The following PRPF31 variants were observed in gnomAD, a reference collection of about 807,000 sequenced individuals.
The protein encoded by PRPF31 is U4/U6 small nuclear ribonucleoprotein Prp31.
In PRPF31, 12 loss-of-function variants were observed where a neutral mutation model predicts 60.4. The observed-to-expected ratio is 0.20, with a 90% CI of 0.13 to 0.32. PRPF31 has a LOEUF of 0.32. PRPF31 is among the 10% of genes least tolerant of loss of function. PRPF31 has a pLI of 1.00. For synonymous variants in PRPF31, 287 were observed against 287.9 expected (o/e 1.00, Z 0.03); for missense variants, 431 against 687.1 (o/e 0.63, Z 4.17).
intron 13 of PRPF31, 146 bp from the exon 14 acceptor site, chr19:54,131,161 A>C (rs1388012145): frequency 8.4e-7 from 1 of 1,185,660 alleles, no homozygotes; most frequent in Admixed American, 1.8e-5. Flanking sequence ...GAATCTCCCA[A>C]GACAGGGCAA....
Position 54,124,052 on chromosome 19 carries a change from G to C in PRPF31, c.697+134G>C, listed in dbSNP as rs139696838. ...ACCCCGTCTCCCTGGACATCACAGAGGTCAGCCAGCCTGGCACACAGCAAA... is the reference window on the plus strand; with the variant it reads ...ACCCCGTCTCCCTGGACATCACAGACGTCAGCCAGCCTGGCACACAGCAAA... On this transcript the variant is annotated intron_variant, in intron 7 of 13. Transcript: ENST00000321030. The C allele has an allele frequency of 9.7e-5, 145 of 1,497,222 alleles. No individual in the cohort carries two copies. The African/African-American group carries it at 1.9e-3, about 19-fold the overall frequency. 92.7% of individuals were successfully genotyped at this position (1,497,222 alleles called of 1,614,324 possible).
intron 4 of PRPF31, 44 bp downstream of exon 4, chr19:54,121,987 C>T (rs1470273299): frequency 6.4e-7 from 1 of 1,550,586 alleles, no homozygotes; most frequent in Non-Finnish European, 8.8e-7. Context: ...TGTGACGTCC[C>T]TCACGCCCCC....
intron 4 of PRPF31, chr19:54,122,185 TGGTC>T: frequency 1.6e-6 from 1 of 631,628 alleles, no homozygotes; most frequent in African/African-American, 1.8e-5. Flanking sequence ...TCCATCCTGT[TGGTC>T]GGCCACCTGC....
At position 54,122,566 on chromosome 19, in the gene PRPF31, A is replaced by G. The variant is rs770719374; in HGVS notation, c.392A>G (p.Asn131Ser). 100 of 1,614,024 alleles carry G rather than the reference A, an allele frequency of 6.2e-5. No individual in the cohort carries two copies. Among genetic ancestry groups the G allele is most frequent in the South Asian group, 1.6e-4 (15 of 91,092 alleles). The change falls in exon 5 of 14, where the codon AAT becomes AGT. Residue 131 changes from asparagine to serine, a missense_variant. Asn to Ser is a conservative substitution (Grantham distance 46). Coordinates refer to ENST00000321030, the MANE Select transcript of PRPF31 (RefSeq NM_015629.4). ...RFPELESLVP[N>S]ALDYIRTVKE... ...CCTGAACTGGAGTCCTTGGTCCCCA[A>G]TGCACTGGATTACATCCGCACGGTC...
intron 13 of PRPF31, among the ~76,000 whole-genome samples, chr19:54,130,452 C>T (rs587622982): frequency 2.6e-4 from 39 of 152,206 alleles, no homozygotes; most frequent in African/African-American, 8.9e-4. Flanking sequence ...GGTGAAACCC[C>T]GTCTCTACTA....
At chr19:54,116,177 A>G (rs980977052) in intron 1 of PRPF31, among the ~76,000 whole-genome samples, 3 of 149,180 alleles carry the variant, frequency 2.0e-5, no homozygotes, top group Non-Finnish European at 4.4e-5. Flanking sequence ...CTGTGATTAC[A>G]GGCATGATCC....
chr19:54,129,112 A>T lies in PRPF31; in HGVS notation c.1202A>T (p.Lys401Met). The change falls in exon 12 of 14, where the codon AAG becomes ATG. Residue 401 changes from lysine to methionine, a missense_variant. This residue lies in a region of PRPF31 where 314 missense variants were observed against 475.3 expected (regional missense o/e 0.66). Transcript: ENST00000321030. ...GGATTCAGCCTGGGCCACCTGGGCAAGTCGGGCAGTGGGCGTGTGCGGCAG... is the reference window on the plus strand; with the variant it reads ...GGATTCAGCCTGGGCCACCTGGGCATGTCGGGCAGTGGGCGTGTGCGGCAG... Reference protein sequence around the residue: ...DLGFSLGHLGKSGSGRVRQTQ... With the variant: ...DLGFSLGHLGMSGSGRVRQTQ... 6.3e-7 allele frequency: 1 copy of T among 1,582,520 alleles called. No individual in the cohort carries two copies. The highest frequency in any genetic ancestry group is 8.6e-7 in the Non-Finnish European group (1 of 1,165,276).
chr19:54,117,840 A>G (rs1311334919), intron 1 of PRPF31, among the ~76,000 whole-genome samples: 2 of 152,148 alleles, frequency 1.3e-5, no homozygotes, highest in African/African-American at 4.8e-5. Context: ...TGTCAGAGCC[A>G]GACTCCATCT....
chr19:54,123,627 C>G, intron 6 of PRPF31, 67 bp downstream of exon 6: 1 of 1,602,790 alleles, frequency 6.2e-7, no homozygotes, highest in Non-Finnish European at 8.5e-7. Flanking sequence ...GCTACACACG[C>G]AGGTGTACAC....
At position 54,131,356 on chromosome 19, in the gene PRPF31, C is replaced by T; in HGVS notation, c.1424C>T (p.Ala475Val). The T allele has an allele frequency of 6.2e-7, 1 of 1,614,066 alleles. No individual in the cohort carries two copies. The highest frequency in any genetic ancestry group is 8.5e-7 in the Non-Finnish European group (1 of 1,180,018). Residue 475 changes from alanine (A) to valine (V), a missense_variant, in exon 14 of 14, where the codon GCC becomes GTC. By Grantham distance (64) the Ala-to-Val change is moderately conservative. This residue lies in a region of PRPF31 where 314 missense variants were observed against 475.3 expected (regional missense o/e 0.66). Coordinates refer to ENST00000321030, the MANE Select transcript of PRPF31 (RefSeq NM_015629.4). ...PQAAEKKVAEANQKYFSSMAE... is the reference protein window; with the variant it reads ...PQAAEKKVAEVNQKYFSSMAE... Reference sequence around the variant, plus strand: ...GCGGCAGAGAAGAAGGTGGCTGAGGCCAACCAGAAGTATTTCTCCAGCATG... The same window carrying T: ...GCGGCAGAGAAGAAGGTGGCTGAGGTCAACCAGAAGTATTTCTCCAGCATG...
chr19:54,117,480 C>T (rs1033014514), intron 1 of PRPF31, among the ~76,000 whole-genome samples: 3 of 152,088 alleles, frequency 2.0e-5, no homozygotes, highest in Non-Finnish European at 2.9e-5. Flanking sequence ...ACAATGGCCA[C>T]GTTGTAGATT....
chr19:54,129,161 G>A lies in PRPF31; in HGVS notation c.1251G>A (p.Lys417=). Residue 417 remains lysine (K), a synonymous_variant, in exon 12 of 14, where the codon AAG becomes AAA. Coordinates refer to ENST00000321030, the MANE Select transcript of PRPF31 (RefSeq NM_015629.4). ...VRQTQVNEAT[K]ARISKTLQRT... Reference sequence around the variant, plus strand: ...AGACACAGGTAAACGAGGCCACCAAGGCCAGGATCTCCAAGACGCTGCAGG... The same window carrying A: ...AGACACAGGTAAACGAGGCCACCAAAGCCAGGATCTCCAAGACGCTGCAGG... 1 of 1,584,350 alleles carries A rather than the reference G, an allele frequency of 6.3e-7. No individual in the cohort carries two copies.
rs756417706 is a variant in PRPF31, at chr19:54,123,810, C to T, written c.589C>T (p.Leu197=). Residue 197 remains leucine (L), a synonymous_variant, in exon 7 of 14, where the codon CTG becomes TTG. Coordinates refer to ENST00000321030, the MANE Select transcript of PRPF31 (RefSeq NM_015629.4). ...LEEACDMALE[L]NASKHRIYEY... ...GGAGGCCTGCGACATGGCGCTGGAGCTGAACGCCTCCAAGCACCGCATCTA... is the reference window on the plus strand; with the variant it reads ...GGAGGCCTGCGACATGGCGCTGGAGTTGAACGCCTCCAAGCACCGCATCTA... 6.2e-7 allele frequency: 1 copy of T among 1,613,298 alleles called. No individual in the cohort carries two copies. Among genetic ancestry groups the T allele is most frequent in the South Asian group, 1.1e-5 (1 of 91,090 alleles).
At chr19:54,124,020 C>T in intron 7 of PRPF31, 102 bp downstream of exon 7, 2 of 1,559,072 alleles carry the variant, frequency 1.3e-6, no homozygotes, top group Non-Finnish European at 1.7e-6. Flanking sequence ...GGCACCTGGA[C>T]CTCAGCACCC....
In PRPF31 at chr19:54,131,427, A is replaced by C; in HGVS notation, c.1495A>C (p.Thr499Pro). ...VKGEKSGLMS[T>P] is the part of the protein sequence containing the mutation. ...GGGCGAGAAGAGTGGCCTTATGTCC[A>C]CCTGAATGACTGCGTGTGTCCAAGG... The change falls in exon 14 of 14, where the codon ACC (threonine) becomes CCC (proline). Residue 499 changes from threonine to proline, a missense_variant. By Grantham distance (38) the Thr-to-Pro change is conservative. This residue lies in a region of PRPF31 where 314 missense variants were observed against 475.3 expected (regional missense o/e 0.66). Transcript: ENST00000321030. The C allele has an allele frequency of 6.2e-7, 1 of 1,614,064 alleles. No homozygotes were observed. Among genetic ancestry groups the C allele is most frequent in the Non-Finnish European group, 8.5e-7 (1 of 1,180,008 alleles).
At chr19:54,126,958 ATC>A (rs1348543789) in intron 9 of PRPF31, among the ~76,000 whole-genome samples, 4 of 152,176 alleles carry the variant, frequency 2.6e-5, no homozygotes, top group African/African-American at 9.7e-5. Flanking sequence ...GTGAAACCCC[ATC>A]TCTACCAAAA....
At chr19:54,128,741 G>A (rs915911679) in intron 11 of PRPF31, among the ~76,000 whole-genome samples, 3 of 152,078 alleles carry the variant, frequency 2.0e-5, no homozygotes, top group Non-Finnish European at 4.4e-5. Context: ...CTGCAGGACC[G>A]AACTCAGAGG....
chr19:54,123,891 G>A lies in PRPF31; in HGVS notation c.670G>A (p.Gly224Arg), dbSNP rs750619000. 6.8e-6 allele frequency: 11 copies of A among 1,613,802 alleles called. No homozygotes were observed. The African/African-American group carries it at 8.0e-5, about 12-fold the overall frequency. Residue 224 changes from glycine to arginine, a missense_variant, in exon 7 of 14, where the codon GGG becomes AGG. By Grantham distance (125) the Gly-to-Arg change is moderately radical. This residue lies in a region of PRPF31 where 314 missense variants were observed against 475.3 expected (regional missense o/e 0.66). Transcript: ENST00000321030. ...FIAPNLSIII[G>R]ASTAAKIMGV... ...CGCACCCAACCTGTCCATCATTATCGGGGCATCCACGGCCGCCAAGATCAT... is the reference window on the plus strand; with the variant it reads ...CGCACCCAACCTGTCCATCATTATCAGGGCATCCACGGCCGCCAAGATCAT...
At chr19:54,130,072 G>A (rs1320984649) in intron 13 of PRPF31, among the ~76,000 whole-genome samples, 2 of 149,848 alleles carry the variant, frequency 1.3e-5, no homozygotes, top group African/African-American at 4.9e-5. Context: ...CAGGCCGGGC[G>A]CAGACAGCTC....
Sources: allele counts gnomAD v4.1 joint callset (sites outside exome capture counted in the v4.1 genomes callset), GRCh38; gene constraint gnomAD v4.1.1; regional missense constraint gnomAD v4.1.1; transcripts MANE v1.5; gene names NCBI Gene and HGNC (gene_info 2026-07-23, HGNC 2026-07-21).